PDE4B: variants seen among roughly 807,000 people sequenced by gnomAD.
PDE4B encodes the protein 3',5'-cyclic-AMP phosphodiesterase 4B.
PDE4B carries 20 observed loss-of-function variants against 82.2 expected under a neutral mutation model. That is an observed-to-expected ratio of 0.24 (90% CI 0.17 to 0.35). The LOEUF (loss-of-function observed/expected upper bound fraction) is 0.35. Ranked by LOEUF, PDE4B falls within the 10% of genes least tolerant of loss-of-function variation. The probability of loss-of-function intolerance (pLI) is 1.00; values close to 1 mark genes in which losing one functional copy is unlikely to be tolerated. For missense variants in PDE4B, 655 were observed against 907.2 expected (o/e 0.72, Z 3.57); for synonymous variants, 320 against 318.9 (o/e 1.00, Z -0.04).
intron 7 of PDE4B, 59 bp downstream of exon 7, chr1:66,266,146 T>C (rs1655020531): frequency 7.9e-7 from 1 of 1,273,064 alleles, no homozygotes; most frequent in African/African-American, 1.5e-5. Context: ...AACATGCCTC[T>C]TATTCAGAAC....
Position 66,005,224 on chromosome 1 carries a change from A to AGAGACTG in PDE4B, c.281+86395_281+86401dup, listed in dbSNP as rs1327666750. On this transcript the variant is annotated intron_variant, in intron 3 of 16. Coordinates refer to ENST00000341517, the MANE Select transcript of PDE4B (RefSeq NM_002600.4). ...TCTGCTTTATGGGACCATGTAAGTG[A>AGAGACTG]GAGACTGGAGACAGGAGACAGACTA... 1.8e-4 allele frequency among the ~76,000 whole-genome samples: 28 copies of AGAGACTG among 152,110 alleles called. 1 individual carries two copies.
intron 3 of PDE4B, among the ~76,000 whole-genome samples, chr1:65,961,055 A>ACTTTGTCC (rs1649519400): frequency 6.6e-6 from 1 of 152,156 alleles, no homozygotes; most frequent in African/African-American, 2.4e-5. Flanking sequence ...CAAGAAACAA[A>ACTTTGTCC]ACAGATGAAA....
chr1:65,888,382 G>C (rs72933474), intron 1 of PDE4B, among the ~76,000 whole-genome samples: 2,323 of 152,164 alleles, frequency 0.015, 77 homozygotes, highest in African/African-American at 0.053. Context: ...AGGTAATGTG[G>C]TGCCTCCAGC....
chr1:66,209,331 G>A (rs1649832976), intron 3 of PDE4B, among the ~76,000 whole-genome samples: 1 of 152,142 alleles, frequency 6.6e-6, no homozygotes, highest in Non-Finnish European at 1.5e-5. Context: ...TAAACTCACT[G>A]TAAAAGGCAT....
intron 3 of PDE4B, among the ~76,000 whole-genome samples, chr1:66,087,677 A>C (rs1181964247): frequency 6.6e-6 from 1 of 152,010 alleles, no homozygotes; most frequent in Non-Finnish European, 1.5e-5. Context: ...ACCATGGAAT[A>C]CTATGCAGCT....
chr1:66,373,454 G>A lies in PDE4B; in HGVS notation c.*776G>A, dbSNP rs1156655084. On this transcript the variant is annotated 3_prime_UTR_variant, in exon 17 of 17. Coordinates refer to ENST00000341517, the MANE Select transcript of PDE4B (RefSeq NM_002600.4). ...AAGGAGCAGTGGTGTCGTTCACCGT[G>A]AGAGTCTGCATAGAACTCAGCAGTG... The A allele has an allele frequency of 6.6e-6, 1 of 152,652 alleles. No homozygotes were observed. The highest frequency in any genetic ancestry group is 2.4e-5 in the African/African-American group (1 of 41,420). The allele number at this position is 152,652 out of a possible 1,614,324, so 9.5% of individuals were successfully genotyped here.
intron 6 of PDE4B, among the ~76,000 whole-genome samples, chr1:66,262,350 A>G (rs1382410631): frequency 3.9e-5 from 6 of 152,212 alleles, no homozygotes; most frequent in Admixed American, 2.6e-4. Flanking sequence ...TGCTCTTCTC[A>G]AGTGAGGAAG....
chr1:65,827,944 G>A (rs1410293663), intron 1 of PDE4B, among the ~76,000 whole-genome samples: 2 of 152,160 alleles, frequency 1.3e-5, no homozygotes, highest in African/African-American at 4.8e-5. Flanking sequence ...AAGAATTATA[G>A]CAGGCTCCTC....
At chr1:65,890,303 G>A (rs901829568) in intron 1 of PDE4B, among the ~76,000 whole-genome samples, 2 of 152,186 alleles carry the variant, frequency 1.3e-5, no homozygotes, top group African/African-American at 4.8e-5. Flanking sequence ...GAGGGTATGT[G>A]TGGGTGGCTG....
chr1:66,083,186 C>T (rs1656830312), intron 3 of PDE4B, among the ~76,000 whole-genome samples: 1 of 152,092 alleles, frequency 6.6e-6, no homozygotes, highest in Non-Finnish European at 1.5e-5. Context: ...CTTCTTTAAA[C>T]AATGCTTTCA....
intron 3 of PDE4B, among the ~76,000 whole-genome samples, chr1:66,083,589 C>T (rs1213382375): frequency 6.6e-6 from 1 of 152,058 alleles, no homozygotes; most frequent in African/African-American, 2.4e-5. Context: ...GATCCAAATC[C>T]ATGTCTGTTT....
intron 3 of PDE4B, among the ~76,000 whole-genome samples, chr1:65,992,265 C>T (rs1171326391): frequency 1.3e-5 from 2 of 152,124 alleles, no homozygotes; most frequent in Admixed American, 6.5e-5. Flanking sequence ...GTTAGCCTCA[C>T]AAATTTTGTG....
intron 7 of PDE4B, among the ~76,000 whole-genome samples, chr1:66,282,325 T>G (rs1190570439): frequency 6.6e-6 from 1 of 152,178 alleles, no homozygotes; most frequent in African/African-American, 2.4e-5. Flanking sequence ...TTTTGGGTTT[T>G]GAGTAAGCCA....
At chr1:66,250,217 C>T (rs1345545441) in intron 4 of PDE4B, among the ~76,000 whole-genome samples, 1 of 152,080 alleles carries the variant, frequency 6.6e-6, no homozygotes, top group Non-Finnish European at 1.5e-5. Context: ...GCCTTCTACC[C>T]ATAGATCCAG....
intron 1 of PDE4B, among the ~76,000 whole-genome samples, chr1:65,865,182 G>A (rs534330537): frequency 2.6e-5 from 4 of 152,268 alleles, no homozygotes; most frequent in Admixed American, 2.0e-4. Flanking sequence ...GCACTGTCAG[G>A]GGAAAACCGC....
At chr1:66,367,647 C>T (rs780743035) in intron 13 of PDE4B, 49 bp from the exon 14 acceptor site, 14 of 1,477,600 alleles carry the variant, frequency 9.5e-6, no homozygotes, top group Admixed American at 9.4e-5. Flanking sequence ...TGCCAACATT[C>T]AAATCATATC....
intron 3 of PDE4B, among the ~76,000 whole-genome samples, chr1:65,969,825 G>A (rs948175270): frequency 2.0e-5 from 3 of 151,812 alleles, no homozygotes; most frequent in East Asian, 1.9e-4. Flanking sequence ...TTTTTTAGAC[G>A]CAGAGTTTTG....
At chr1:65,844,101 T>A (rs892724665) in intron 1 of PDE4B, among the ~76,000 whole-genome samples, 2 of 152,208 alleles carry the variant, frequency 1.3e-5, no homozygotes, top group African/African-American at 2.4e-5. Context: ...ATGTCTTCAA[T>A]ATATAATCAT....
At chr1:65,860,795 C>A (rs1646445634) in intron 1 of PDE4B, among the ~76,000 whole-genome samples, 2 of 152,110 alleles carry the variant, frequency 1.3e-5, no homozygotes, top group African/African-American at 4.8e-5. Context: ...CTCTAATGAC[C>A]AGTGAAGATA....
Sources: gnomAD v4.1 joint callset for allele counts (sites outside exome capture counted in the v4.1 genomes callset) on GRCh38, gnomAD v4.1.1 for gene constraint, MANE v1.5 for transcripts, NCBI Gene and HGNC (gene_info 2026-07-23, HGNC 2026-07-21) for gene names.